The following NBAS variants were observed in gnomAD, a reference collection of about 807,000 sequenced individuals.
NBAS encodes NAG/BC035112 fusion.
Under a neutral mutation model 302.5 loss-of-function variants are expected in NBAS, and 219 were observed. That is an observed-to-expected ratio of 0.72 (90% CI 0.65 to 0.81). The LOEUF is 0.81. NBAS is among the 30% of genes least tolerant of loss of function. The pLI is 0.00. For synonymous variants in NBAS, 1,118 were observed against 1,021.6 expected (o/e 1.09, Z -1.80); for missense variants, 2,932 against 2,841.6 (o/e 1.03, Z -0.72).
the NBAS span, among the ~76,000 whole-genome samples, chr2:15,071,427 C>G: frequency 1.4e-3 from 214 of 152,180 alleles, no homozygotes; most frequent in Non-Finnish European, 2.6e-3. Context: ...AGTTGGAGAC[C>G]AGCCCGGCCA....
the NBAS span, among the ~76,000 whole-genome samples, chr2:14,811,665 A>G: frequency 8.5e-5 from 13 of 152,134 alleles, no homozygotes; most frequent in Admixed American, 8.5e-4. Context: ...TTTAAAATAT[A>G]TGGGAAAAAT....
intron 32 of NBAS, among the ~76,000 whole-genome samples, chr2:15,361,151 T>A (rs192890229): frequency 6.6e-6 from 1 of 152,300 alleles, no homozygotes; most frequent in Admixed American, 6.5e-5. Flanking sequence ...CACCATTGCA[T>A]ATGAGATCGT....
the NBAS span, among the ~76,000 whole-genome samples, chr2:14,779,744 C>T: frequency 1.3e-5 from 2 of 152,196 alleles, no homozygotes; most frequent in Non-Finnish European, 2.9e-5. Flanking sequence ...TTTGTTGTCT[C>T]ACTCCCAATT....
intron 35 of NBAS, among the ~76,000 whole-genome samples, chr2:15,344,333 C>T (rs920075712): frequency 1.3e-5 from 2 of 152,110 alleles, no homozygotes; most frequent in African/African-American, 4.8e-5. Flanking sequence ...GATATCACCA[C>T]TAACCCCACA....
chr2:15,225,619 A>T, intron 47 of NBAS, among the ~76,000 whole-genome samples: 1 of 152,232 alleles, frequency 6.6e-6, no homozygotes, highest in East Asian at 1.9e-4. Context: ...TATTTATATG[A>T]AACTTTAAGG....
intron 21 of NBAS, among the ~76,000 whole-genome samples, chr2:15,433,434 T>G (rs1002365465): frequency 1.3e-5 from 2 of 152,190 alleles, no homozygotes; most frequent in African/African-American, 4.8e-5. Flanking sequence ...TCACAAGTAG[T>G]GAATACAAGA....
intron 44 of NBAS, among the ~76,000 whole-genome samples, chr2:15,239,724 T>C (rs1184914687): frequency 6.6e-6 from 1 of 151,792 alleles, no homozygotes; most frequent in Non-Finnish European, 1.5e-5. Flanking sequence ...ATTATTAAGG[T>C]GTTAGGATTA....
chr2:14,954,733 A>G, the NBAS span, among the ~76,000 whole-genome samples: 2 of 152,142 alleles, frequency 1.3e-5, no homozygotes, highest in African/African-American at 4.8e-5. Flanking sequence ...CCCTTATAAA[A>G]CCATCAGATT....
Position 15,367,310 on chromosome 2 carries a change from G to A in NBAS, c.3704-617C>T, listed in dbSNP as rs541202195. ...AAAAACCCTAGACAAAGGGTACTAC[G>A]TATATTCTAGGAACAAATGGTACTT... is the stretch of plus-strand genomic sequence containing the variant. On this transcript the variant is annotated intron_variant, in intron 31 of 51. Coordinates refer to ENST00000281513, the MANE Select transcript of NBAS (RefSeq NM_015909.4). 2.6e-5 allele frequency among the ~76,000 whole-genome samples: 4 copies of A among 152,070 alleles called. No homozygotes were observed. In the South Asian group the frequency reaches 6.2e-4, roughly 24 times the overall value.
At chr2:15,157,298 T>C in the NBAS span, among the ~76,000 whole-genome samples, 1 of 152,224 alleles carries the variant, frequency 6.6e-6, no homozygotes. Context: ...ACAAGGTGAC[T>C]TGTGTAATTT....
chr2:14,818,898 C>T, the NBAS span, among the ~76,000 whole-genome samples: 4 of 152,214 alleles, frequency 2.6e-5, no homozygotes, highest in South Asian at 2.1e-4. Context: ...TGAACATCTA[C>T]ACTTTCTACC....
chr2:15,205,645 G>C (rs575529607), intron 48 of NBAS, among the ~76,000 whole-genome samples: 1 of 152,060 alleles, frequency 6.6e-6, no homozygotes, highest in African/African-American at 2.4e-5. Flanking sequence ...ATCGCATCTC[G>C]AATTATAATC....
At chr2:15,260,788 T>C (rs1387695706) in intron 44 of NBAS, among the ~76,000 whole-genome samples, 1 of 149,558 alleles carries the variant, frequency 6.7e-6, no homozygotes, top group African/African-American at 2.5e-5. Flanking sequence ...TAAGAAACAA[T>C]ATTATGTATC....
the NBAS span, among the ~76,000 whole-genome samples, chr2:14,929,125 T>C: frequency 6.6e-6 from 1 of 152,154 alleles, no homozygotes; most frequent in Non-Finnish European, 1.5e-5. Flanking sequence ...GAGAAGTCTA[T>C]TTACCATGCA....
chr2:15,215,372 C>T (rs996390741), intron 48 of NBAS, among the ~76,000 whole-genome samples: 1 of 152,158 alleles, frequency 6.6e-6, no homozygotes, highest in Non-Finnish European at 1.5e-5. Flanking sequence ...CCCAGCAACA[C>T]ACTGATTTGT....
chr2:15,242,428 G>C (rs1431596232), intron 44 of NBAS, among the ~76,000 whole-genome samples: 1 of 151,976 alleles, frequency 6.6e-6, no homozygotes, highest in African/African-American at 2.4e-5. Flanking sequence ...AAATATGTAA[G>C]GTGTTTTATT....
chr2:15,116,409 CAGAGAGAGAG>C, the NBAS span, among the ~76,000 whole-genome samples: 5 of 150,008 alleles, frequency 3.3e-5, no homozygotes, highest in East Asian at 2.0e-4. Flanking sequence ...CCCCACATGG[CAGAGAGAGAG>C]AGAGAGAGAG....
chr2:14,818,351 T>C, the NBAS span, among the ~76,000 whole-genome samples: 1 of 152,310 alleles, frequency 6.6e-6, no homozygotes, highest in East Asian at 1.9e-4. Context: ...TACATTCTAA[T>C]TCTTAAAAAT....
In NBAS at chr2:15,275,797, G is replaced by A; in HGVS notation, c.5411C>T (p.Thr1804Ile). Reference protein sequence around the residue: ...VASGLNYKKLTDENMSPLEAL... With the variant: ...VASGLNYKKLIDENMSPLEAL... ...TTCAAGAGGACTCATGTTTTCATCT[G>A]TCAGCTTTTTGTAATTAAGACCTAG... The change falls in exon 44 of 52, where the codon ACA becomes ATA. Residue 1804 changes from threonine (T) to isoleucine (I), a missense_variant. Coordinates refer to ENST00000281513, the MANE Select transcript of NBAS (RefSeq NM_015909.4). 3.1e-6 allele frequency: 5 copies of A among 1,613,616 alleles called. 1 individual carries two copies. The South Asian group carries it at 5.5e-5, about 18-fold the overall frequency.
Sources: allele counts gnomAD v4.1 joint callset (sites outside exome capture counted in the v4.1 genomes callset), GRCh38; gene constraint gnomAD v4.1.1; transcripts MANE v1.5; gene names NCBI Gene and HGNC (gene_info 2026-07-23, HGNC 2026-07-21).